TMPRSS15: variants seen among roughly 807,000 people sequenced by gnomAD.
TMPRSS15 encodes transmembrane serine protease 15.
In TMPRSS15, 128 loss-of-function variants were observed where a neutral mutation model predicts 125.3. That is an observed-to-expected ratio of 1.02 (90% CI 0.89 to 1.18). The LOEUF is 1.18. TMPRSS15 is among the 50% of genes most tolerant of loss of function. The pLI, the probability that TMPRSS15 is intolerant of heterozygous loss-of-function variation, is 0.00. For missense variants in TMPRSS15, 1,283 were observed against 1,212.7 expected (o/e 1.06, Z -0.86); for synonymous variants, 446 against 423.2 (o/e 1.05, Z -0.66).
chr21:18,434,960 T>C (rs1050619239), intron 1 of TMPRSS15, among the ~76,000 whole-genome samples: 7 of 152,160 alleles, frequency 4.6e-5, no homozygotes, highest in African/African-American at 7.2e-5. Context: ...TTTTCTAAAT[T>C]TTTTTCATCC....
chr21:18,347,479 C>T (rs182640313), intron 10 of TMPRSS15, among the ~76,000 whole-genome samples: 56 of 152,218 alleles, frequency 3.7e-4, no homozygotes, highest in African/African-American at 7.0e-4. Flanking sequence ...TCAGGTGATC[C>T]GCCTGCCTTG....
chr21:18,478,788 A>G lies in TMPRSS15; in HGVS notation c.10+7011T>C, dbSNP rs1978926493. ...TGAAGCAATCTTCTCACATTTTATG[A>G]GGGAACACACAATGTCAACATAAAA... On this transcript the variant is annotated intron_variant, in intron 1 of 7. Transcript: ENST00000422787. Among the ~76,000 whole-genome samples the G allele has an allele frequency of 2.6e-5, 4 of 152,016 alleles. No individual in the cohort carries two copies. In the South Asian group the frequency reaches 8.3e-4, roughly 31 times the overall value.
At chr21:18,327,911 G>C (rs1033529813) in intron 15 of TMPRSS15, among the ~76,000 whole-genome samples, 2 of 151,940 alleles carry the variant, frequency 1.3e-5, no homozygotes, top group Non-Finnish European at 2.9e-5. Context: ...AAATTAGCCG[G>C]GCGAGGTGGT....
chr21:18,283,991 T>C (rs2074733760), intron 21 of TMPRSS15, among the ~76,000 whole-genome samples: 1 of 152,214 alleles, frequency 6.6e-6, no homozygotes, highest in Non-Finnish European at 1.5e-5. Flanking sequence ...TGCTTCAAGC[T>C]ACTCATCTAA....
rs2122953627 is a variant in TMPRSS15 at position 18,463,100 on chromosome 21, C to T, written c.10+22699G>A. 3.3e-5 allele frequency among the ~76,000 whole-genome samples: 5 copies of T among 151,282 alleles called. No homozygotes were observed. The South Asian group carries it at 1.0e-3, about 32-fold the overall frequency. On this transcript the variant is annotated intron_variant, in intron 1 of 7. Transcript: ENST00000422787. ...AACTTACATGTAAATGGGCTAATTGCCTCAATTAAAAGACACAGACGGGCA... is the reference window on the plus strand; with the variant it reads ...AACTTACATGTAAATGGGCTAATTGTCTCAATTAAAAGACACAGACGGGCA...
chr21:18,451,537 T>C (rs1978339621), intron 1 of TMPRSS15, among the ~76,000 whole-genome samples: 1 of 152,076 alleles, frequency 6.6e-6, no homozygotes, highest in Non-Finnish European at 1.5e-5. Context: ...ACAAGAAGCA[T>C]TGAGGTGTTT....
intron 24 of TMPRSS15, among the ~76,000 whole-genome samples, chr21:18,272,494 C>T (rs576199751): frequency 4.6e-5 from 7 of 152,136 alleles, no homozygotes; most frequent in East Asian, 3.9e-4. Context: ...GAGGCCGAGA[C>T]GGGTGGATCA....
At chr21:18,333,031 A>AG (rs2075359809) in intron 13 of TMPRSS15, among the ~76,000 whole-genome samples, 1 of 152,176 alleles carries the variant, frequency 6.6e-6, no homozygotes, top group African/African-American at 2.4e-5. Context: ...CTTATAAGTG[A>AG]AAGCTAAATG....
At chr21:18,325,633 G>A (rs556225914) in intron 16 of TMPRSS15, among the ~76,000 whole-genome samples, 1 of 152,040 alleles carries the variant, frequency 6.6e-6, no homozygotes, top group East Asian at 1.9e-4. Context: ...AAAGAGAGAT[G>A]TAGGAAGTAG....
At chr21:18,390,518 G>T (rs1002105705) in intron 3 of TMPRSS15, among the ~76,000 whole-genome samples, 11 of 152,090 alleles carry the variant, frequency 7.2e-5, no homozygotes, top group African/African-American at 1.4e-4. Context: ...GAAAATACAG[G>T]TATCAAAGAT....
chr21:18,449,083 G>T (rs1442459507), intron 1 of TMPRSS15, among the ~76,000 whole-genome samples: 1 of 152,048 alleles, frequency 6.6e-6, no homozygotes, highest in Non-Finnish European at 1.5e-5. Context: ...TGACCTAAAG[G>T]CCATACCCAA....
chr21:18,292,333 C>T (rs556992492), intron 21 of TMPRSS15, among the ~76,000 whole-genome samples: 27 of 152,266 alleles, frequency 1.8e-4, no homozygotes, highest in African/African-American at 5.5e-4. Context: ...TTTCAATAAA[C>T]GATCTTTTTG....
At chr21:18,418,548 C>T (rs2076185302) in intron 1 of TMPRSS15, among the ~76,000 whole-genome samples, 1 of 152,128 alleles carries the variant, frequency 6.6e-6, no homozygotes. Context: ...TACGTGGCCT[C>T]TTGCTGAAAT....
At position 18,332,101 on chromosome 21, in the gene TMPRSS15, T is replaced by C; in HGVS notation, c.1637A>G (p.Tyr546Cys). The C allele has an allele frequency of 6.2e-7, 1 of 1,613,962 alleles. No individual in the cohort carries two copies. Among genetic ancestry groups the C allele is most frequent in the South Asian group, 1.1e-5 (1 of 91,076 alleles). ...TGACTCACAGAAAGCCAGATTAGGG[T>C]AGCTGTTTGGAAAGTTCGTAGAACT... ...TFSSTNFPNS[Y>C]PNLAFCVWIL... The change falls in exon 14 of 25, where the codon TAC (tyrosine) becomes TGC (cysteine). Residue 546 changes from tyrosine to cysteine, a missense_variant. Transcript: ENST00000284885.
chr21:18,314,022 C>CCAAGCTAAGCGCGTTCA (rs1380522275), intron 17 of TMPRSS15, among the ~76,000 whole-genome samples: 1 of 152,072 alleles, frequency 6.6e-6, no homozygotes, highest in African/African-American at 2.4e-5. Flanking sequence ...AGGGACTGGA[C>CCAAGCTAAGCGCGTTCA]CAAGCTAAGC....
chr21:18,457,476 G>A (rs1433505086), intron 1 of TMPRSS15, among the ~76,000 whole-genome samples: 1 of 152,072 alleles, frequency 6.6e-6, no homozygotes, highest in Non-Finnish European at 1.5e-5. Context: ...ACCCTAGATA[G>A]TATGCTATGT....
chr21:18,425,265 A>T (rs2123199760), intron 1 of TMPRSS15, among the ~76,000 whole-genome samples: 1 of 152,260 alleles, frequency 6.6e-6, no homozygotes, highest in Non-Finnish European at 1.5e-5. Context: ...TGTTGCAATC[A>T]GCAAACCTGA....
chr21:18,442,610 G>T (rs1329888182), intron 1 of TMPRSS15, among the ~76,000 whole-genome samples: 1 of 152,116 alleles, frequency 6.6e-6, no homozygotes, highest in Non-Finnish European at 1.5e-5. Context: ...TTGCTACCTT[G>T]AATATCACAT....
Position 18,467,968 on chromosome 21 carries a change from G to A in TMPRSS15, c.10+17831C>T, listed in dbSNP as rs75754275. On this transcript the variant is annotated intron_variant, in intron 1 of 7. Coordinates refer to the TMPRSS15 transcript ENST00000422787. ...AGAAGAGAAAAAGAAAGACAAGAGAGGAGAGACAGAGAGACAGTGGAGGTA... is the reference window on the plus strand; with the variant it reads ...AGAAGAGAAAAAGAAAGACAAGAGAAGAGAGACAGAGAGACAGTGGAGGTA... Among the ~76,000 whole-genome samples the A allele has an allele frequency of 7.2e-3, 1,092 of 152,060 alleles. 14 individuals carry two copies. The highest frequency in any genetic ancestry group is 0.025 in the African/African-American group (1,039 of 41,512).
Sources: allele counts gnomAD v4.1 joint callset (sites outside exome capture counted in the v4.1 genomes callset), GRCh38; gene constraint gnomAD v4.1.1; transcripts MANE v1.5; gene names NCBI Gene and HGNC (gene_info 2026-07-23, HGNC 2026-07-21).